Variants in PI4KA observed in about 807,000 individuals in gnomAD.
The protein encoded by PI4KA is phosphatidylinositol 4-kinase alpha.
In PI4KA, 122 loss-of-function variants were observed where a neutral mutation model predicts 271.4. That is an observed-to-expected ratio of 0.45 (90% CI 0.39 to 0.52). The LOEUF (loss-of-function observed/expected upper bound fraction) is 0.52, where lower values mean the gene tolerates loss of function less well. Among genes scored for constraint, PI4KA ranks in the 20% least tolerant of loss-of-function variants. The probability of loss-of-function intolerance (pLI) is 0.00; values close to 1 mark genes in which losing one functional copy is unlikely to be tolerated. For missense variants in PI4KA, 1,969 were observed against 2,769.1 expected, an observed-to-expected ratio of 0.71 and a Z score of 6.48; for synonymous variants, 1,041 against 1,078.8, an observed-to-expected ratio of 0.96 and a Z score of 0.69.
intron 23 of PI4KA, among the ~76,000 whole-genome samples, chr22:20,757,500 G>A (rs971129172): frequency 5.9e-5 from 9 of 152,022 alleles, no homozygotes; most frequent in Non-Finnish European, 1.3e-4. Context: ...GATCTGATTC[G>A]GTTTATGAAT....
intron 26 of PI4KA, 38 bp downstream of exon 26, chr22:20,751,636 G>T: frequency 6.6e-7 from 1 of 1,524,514 alleles, no homozygotes; most frequent in Non-Finnish European, 9.1e-7. Context: ...TGGTAGAGCG[G>T]GTGGTGTTTG....
chr22:20,796,191 C>G lies in PI4KA; in HGVS notation c.2232G>C (p.Gly744=), dbSNP rs199812318. The G allele has an allele frequency of 3.5e-4, 563 of 1,614,040 alleles. 7 individuals carry two copies. In the East Asian group the frequency reaches 0.012, roughly 36 times the overall value. ...CGCTTGCCCTCTCGCTGGCTCGCTT[C>G]CCCTCCAGCCCCAGCTGCACAAACA... ...LELFVQLGLE[G]KRASERASEK... The change falls in exon 18 of 55, where the codon GGG becomes GGC. Residue 744 remains glycine (G), a synonymous_variant. Coordinates refer to ENST00000255882, the MANE Select transcript of PI4KA (RefSeq NM_058004.4).
intron 30 of PI4KA, 47 bp downstream of exon 30, chr22:20,744,581 C>T (rs1383918841): frequency 7.2e-7 from 1 of 1,395,692 alleles, no homozygotes; most frequent in African/African-American, 1.4e-5. Flanking sequence ...GGCCTCAAAA[C>T]AAGAGGACAC....
In PI4KA at chr22:20,819,740, G is replaced by GGAACGCCTTC; in HGVS notation, c.680_689dup (p.Phe231LysfsTer5). 1 of 1,614,082 alleles carries GGAACGCCTTC rather than the reference G, an allele frequency of 6.2e-7. No individual in the cohort carries two copies. Among genetic ancestry groups the GGAACGCCTTC allele is most frequent in the Non-Finnish European group, 8.5e-7 (1 of 1,179,964 alleles). On this transcript the variant is annotated frameshift_variant, in exon 6 of 55. Coordinates refer to ENST00000255882, the MANE Select transcript of PI4KA (RefSeq NM_058004.4). LOFTEE classifies it high-confidence loss of function. ...GGAGGATGGAGCGGAAGTCATTAAA[G>GGAACGCCTTC]GAACGCCTTCGAACACCTTCAAGCT...
At chr22:20,722,929 C>A (rs1926913165) in intron 42 of PI4KA, among the ~76,000 whole-genome samples, 1 of 152,184 alleles carries the variant, frequency 6.6e-6, no homozygotes, top group African/African-American at 2.4e-5. Flanking sequence ...TATGTAAACA[C>A]TGACAGAGTT....
chr22:20,849,618 C>T (rs1926704155), intron 1 of PI4KA, among the ~76,000 whole-genome samples: 2 of 152,090 alleles, frequency 1.3e-5, no homozygotes, highest in African/African-American at 4.8e-5. Context: ...TTTGGGAGGC[C>T]GAGGCAGGTG....
intron 43 of PI4KA, 28 bp downstream of exon 43, chr22:20,721,270 G>A: frequency 6.2e-7 from 1 of 1,612,932 alleles, no homozygotes; most frequent in Non-Finnish European, 8.5e-7. Flanking sequence ...GACAGTAAGT[G>A]AGGCCTGTGG....
intron 42 of PI4KA, among the ~76,000 whole-genome samples, chr22:20,723,035 CTT>C (rs201708519): frequency 1.4e-5 from 2 of 145,426 alleles, no homozygotes; most frequent in Non-Finnish European, 3.0e-5. Flanking sequence ...TTTACTGTTC[CTT>C]TTTTTTTTTG....
At chr22:20,786,884 C>T (rs772443968) in intron 19 of PI4KA, 2 of 1,614,150 alleles carry the variant, frequency 1.2e-6, no homozygotes, top group Non-Finnish European at 1.7e-6. Flanking sequence ...GTTCAAGCAC[C>T]AAGGCACGAT....
chr22:20,784,322 T>G (rs1201008226), intron 19 of PI4KA: 4 of 1,593,548 alleles, frequency 2.5e-6, no homozygotes, highest in Non-Finnish European at 3.4e-6. Flanking sequence ...AATGGATCAT[T>G]TTTTTAAAAA....
intron 22 of PI4KA, among the ~76,000 whole-genome samples, chr22:20,763,027 G>A (rs1293962316): frequency 2.6e-5 from 1 of 38,598 alleles, no homozygotes; most frequent in Non-Finnish European, 4.4e-5. Context: ...TGGGGGGGGG[G>A]GGGGTTAGAG....
chr22:20,813,308 A>T, intron 8 of PI4KA, 50 bp downstream of exon 8: 1 of 1,398,932 alleles, frequency 7.1e-7, no homozygotes, highest in Non-Finnish European at 9.8e-7. Context: ...CACCACTAGC[A>T]ATTTTACTGA....
intron 29 of PI4KA, among the ~76,000 whole-genome samples, chr22:20,746,806 G>A (rs1404967501): frequency 6.6e-6 from 1 of 152,190 alleles, no homozygotes; most frequent in South Asian, 2.1e-4. Context: ...AGCAAAATGA[G>A]GCGAGAAGAC....
chr22:20,786,208 C>A (rs1934210942), intron 19 of PI4KA: 6 of 1,581,230 alleles, frequency 3.8e-6, no homozygotes, highest in Non-Finnish European at 5.2e-6. Context: ...CACAGCCCCA[C>A]CTCCACTTGC....
At chr22:20,763,201 C>T (rs576713230) in intron 22 of PI4KA, among the ~76,000 whole-genome samples, 21 of 151,048 alleles carry the variant, frequency 1.4e-4, no homozygotes, top group Admixed American at 4.6e-4. Flanking sequence ...CAACCTCCAC[C>T]TCCTGGGTCA....
At chr22:20,804,938 TG>T in intron 11 of PI4KA, 35 bp downstream of exon 11, 1 of 1,540,406 alleles carries the variant, frequency 6.5e-7, no homozygotes, top group Non-Finnish European at 8.9e-7. Flanking sequence ...GGGTCATGCC[TG>T]GAGCTCACAT....
Position 20,801,990 on chromosome 22 carries a change from A to G in PI4KA, c.1707T>C (p.Ala569=), listed in dbSNP as rs748308989. The G allele has an allele frequency of 8.1e-6, 13 of 1,614,114 alleles. No individual in the cohort carries two copies. The highest frequency in any genetic ancestry group is 1.0e-5 in the Non-Finnish European group (12 of 1,179,998). ...CTTCCCACCTGCAGATGTTGTCAAT[A>G]GCGATGTCTCGGAGCTGCTCGTACA... ...PSMYEQLRDI[A]IDNICRCLKA... is the part of the protein sequence containing the mutation. The change falls in exon 14 of 55, where the codon GCT becomes GCC. Residue 569 remains alanine (A), a synonymous_variant. Coordinates refer to ENST00000255882, the MANE Select transcript of PI4KA (RefSeq NM_058004.4).
chr22:20,798,716 A>G (rs1935122909), intron 16 of PI4KA, 29 bp from the exon 17 acceptor site: 1 of 1,450,304 alleles, frequency 6.9e-7, no homozygotes, highest in African/African-American at 1.4e-5. Flanking sequence ...CACTGTCACC[A>G]TGCAGGATGC....
At chr22:20,824,766 AC>A (rs1455462707) in intron 3 of PI4KA, among the ~76,000 whole-genome samples, 2 of 146,450 alleles carry the variant, frequency 1.4e-5, no homozygotes, top group African/African-American at 4.9e-5. Flanking sequence ...ACACACACAC[AC>A]ACACACACAC....
Sources: allele counts gnomAD v4.1 joint callset (sites outside exome capture counted in the v4.1 genomes callset), GRCh38; gene constraint gnomAD v4.1.1; transcripts MANE v1.5; gene names NCBI Gene and HGNC (gene_info 2026-07-23, HGNC 2026-07-21).